The following RAB8B variants were observed in gnomAD, a reference collection of about 807,000 sequenced individuals.
RAB8B encodes RAB8B, member RAS oncogene family.
In RAB8B, 11 loss-of-function variants were observed where a neutral mutation model predicts 32.0. That is an observed-to-expected ratio of 0.34 (90% CI 0.22 to 0.57). RAB8B has a LOEUF of 0.57. Ranked by LOEUF, RAB8B falls within the 20% of genes least tolerant of loss-of-function variation. RAB8B has a pLI of 0.86. For missense variants in RAB8B, 190 were observed against 258.5 expected (o/e 0.73, Z 1.82); for synonymous variants, 103 against 89.6 (o/e 1.15, Z -0.85).
At chr15:63,202,757 C>G (rs886139214) in intron 1 of RAB8B, among the ~76,000 whole-genome samples, 22 of 152,200 alleles carry the variant, frequency 1.4e-4, no homozygotes, top group Admixed American at 2.6e-4. Context: ...TGTGTCTATT[C>G]TAGCTTTTGT....
At chr15:63,197,156 A>T (rs896169835) in intron 1 of RAB8B, among the ~76,000 whole-genome samples, 8 of 151,654 alleles carry the variant, frequency 5.3e-5, no homozygotes, top group East Asian at 1.9e-4. Flanking sequence ...AATTCTATTT[A>T]AAAAAAATAT....
At chr15:63,252,331 A>C (rs2038123040) in intron 3 of RAB8B, among the ~76,000 whole-genome samples, 1 of 152,200 alleles carries the variant, frequency 6.6e-6, no homozygotes, top group Non-Finnish European at 1.5e-5. Context: ...GTAGATCCTC[A>C]AAATGATCAA....
Position 63,226,945 on chromosome 15 carries a change from A to G in RAB8B, c.125-17811A>G, listed in dbSNP as rs558065205. 9.3e-4 allele frequency among the ~76,000 whole-genome samples: 141 copies of G among 152,200 alleles called. 4 individuals carry two copies. In the South Asian group the frequency reaches 0.028, roughly 30 times the overall value. On this transcript the variant is annotated intron_variant, in intron 1 of 7. Coordinates refer to ENST00000321437, the MANE Select transcript of RAB8B (RefSeq NM_016530.3). ...TTCATGCCTCCCCTTTTTAGGCCAT[A>G]TAGGGTAACTTCTTGACATTGCCAT...
intron 7 of RAB8B, 69 bp from the exon 8 acceptor site, chr15:63,263,458 T>C: frequency 8.3e-7 from 1 of 1,204,562 alleles, no homozygotes; most frequent in Non-Finnish European, 1.2e-6. Flanking sequence ...GTTATTTTTA[T>C]TTTTTAGGTA....
intron 1 of RAB8B, among the ~76,000 whole-genome samples, chr15:63,238,902 G>T (rs1374926741): frequency 6.6e-6 from 1 of 152,176 alleles, no homozygotes; most frequent in Non-Finnish European, 1.5e-5. Context: ...CCAGAAATGA[G>T]ACATGAAGGA....
chr15:63,238,691 A>AG (rs2038005258), intron 1 of RAB8B, among the ~76,000 whole-genome samples: 2 of 152,092 alleles, frequency 1.3e-5, no homozygotes, highest in Non-Finnish European at 2.9e-5. Flanking sequence ...GGATATTATG[A>AG]TTTTTCTCAA....
chr15:63,212,988 A>G (rs959895684), intron 1 of RAB8B, among the ~76,000 whole-genome samples: 1 of 152,176 alleles, frequency 6.6e-6, no homozygotes, highest in African/African-American at 2.4e-5. Context: ...AGTTTTTTAT[A>G]AGGCTTTGGC....
chr15:63,229,795 A>G (rs2037920663), intron 1 of RAB8B, among the ~76,000 whole-genome samples: 1 of 148,806 alleles, frequency 6.7e-6, no homozygotes, highest in African/African-American at 2.5e-5. Flanking sequence ...AAAAAAAAAA[A>G]AAAAAAAAAA....
chr15:63,201,481 G>A (rs2037649898), intron 1 of RAB8B, among the ~76,000 whole-genome samples: 1 of 152,150 alleles, frequency 6.6e-6, no homozygotes, highest in South Asian at 2.1e-4. Context: ...CCTCAGGTAA[G>A]TGGGGGATGT....
chr15:63,256,730 T>C (rs1178651385), intron 5 of RAB8B, 136 bp downstream of exon 5: 1 of 651,850 alleles, frequency 1.5e-6, no homozygotes, highest in Non-Finnish European at 2.6e-6. Context: ...AACAAAGAGA[T>C]GTAATCCATA....
At chr15:63,208,796 C>T (rs974245148) in intron 1 of RAB8B, among the ~76,000 whole-genome samples, 6 of 152,004 alleles carry the variant, frequency 3.9e-5, no homozygotes, top group African/African-American at 1.5e-4. Context: ...GGACTTTGTA[C>T]TCTGTAGTAC....
intron 1 of RAB8B, among the ~76,000 whole-genome samples, chr15:63,236,652 A>G (rs1305949459): frequency 6.6e-6 from 1 of 152,214 alleles, no homozygotes; most frequent in African/African-American, 2.4e-5. Flanking sequence ...GTATATATTT[A>G]TGGGTTACAT....
intron 1 of RAB8B, among the ~76,000 whole-genome samples, chr15:63,216,565 A>G (rs2037794104): frequency 6.6e-6 from 1 of 150,978 alleles, no homozygotes. Context: ...CCACTGATTT[A>G]AAAGTTCTGA....
intron 1 of RAB8B, among the ~76,000 whole-genome samples, chr15:63,211,212 T>A (rs2037744276): frequency 6.6e-6 from 1 of 152,262 alleles, no homozygotes; most frequent in Non-Finnish European, 1.5e-5. Context: ...TAACTTTTCT[T>A]TATTGACAAG....
chr15:63,262,701 A>T lies in RAB8B; in HGVS notation c.490A>T (p.Thr164Ser). The T allele has an allele frequency of 7.0e-7, 1 of 1,435,240 alleles. No individual in the cohort carries two copies. Among genetic ancestry groups the T allele is most frequent in the Non-Finnish European group, 9.2e-7 (1 of 1,086,628 alleles). 88.9% of individuals were successfully genotyped at this position (1,435,240 alleles called of 1,614,324 possible). A position where few individuals can be genotyped will look rare whatever the true frequency, so the allele number is the denominator to read the frequency against. ...TTTGTTTTACCTATAGGCATTTTTTACACTTGCACGAGATATAATGACAAA... is the reference window on the plus strand; with the variant it reads ...TTTGTTTTACCTATAGGCATTTTTTTCACTTGCACGAGATATAATGACAAA... ...SSANVEEAFF[T>S]LARDIMTKLN... Residue 164 changes from threonine to serine, a missense_variant, in exon 7 of 8, where the codon ACA (threonine) becomes TCA (serine). Thr to Ser is a moderately conservative substitution (Grantham distance 58). Transcript: ENST00000321437.
intron 1 of RAB8B, among the ~76,000 whole-genome samples, chr15:63,210,348 C>G (rs1448493001): frequency 1.3e-5 from 2 of 152,212 alleles, no homozygotes; most frequent in Non-Finnish European, 2.9e-5. Flanking sequence ...TTGTGCTGTG[C>G]ACAGCACTGT....
At chr15:63,260,418 A>C (rs1166268994) in intron 6 of RAB8B, among the ~76,000 whole-genome samples, 1 of 152,240 alleles carries the variant, frequency 6.6e-6, no homozygotes, top group East Asian at 1.9e-4. Context: ...TTTAGCGTAC[A>C]CATTTGAGGT....
At chr15:63,218,148 A>G (rs1214150659) in intron 1 of RAB8B, among the ~76,000 whole-genome samples, 1 of 152,010 alleles carries the variant, frequency 6.6e-6, no homozygotes, top group Non-Finnish European at 1.5e-5. Context: ...AAATGCACCA[A>G]TGGGAGGTGA....
At chr15:63,263,348 A>T (rs1304881300) in intron 7 of RAB8B, among the ~76,000 whole-genome samples, 179 bp from the exon 8 acceptor site, 1 of 152,174 alleles carries the variant, frequency 6.6e-6, no homozygotes, top group African/African-American at 2.4e-5. Context: ...ACCATTTCCA[A>T]AGAAAAAGAC....
Sources: gnomAD v4.1 joint callset for allele counts (sites outside exome capture counted in the v4.1 genomes callset) on GRCh38, gnomAD v4.1.1 for gene constraint, MANE v1.5 for transcripts, NCBI Gene and HGNC (gene_info 2026-07-23, HGNC 2026-07-21) for gene names.